The following SMPD4 variants were observed in gnomAD, a reference collection of about 807,000 sequenced individuals.
The protein encoded by SMPD4 is sphingomyelin phosphodiesterase 4.
Under a neutral mutation model 97.8 loss-of-function variants are expected in SMPD4, and 58 were observed. That is an observed-to-expected ratio of 0.59 (90% CI 0.48 to 0.74). The LOEUF is 0.74. SMPD4 is among the 30% of genes least tolerant of loss of function. The probability of loss-of-function intolerance (pLI) is 0.00; values close to 1 mark genes in which losing one functional copy is unlikely to be tolerated. For missense variants in SMPD4, 853 were observed against 1,080.5 expected (o/e 0.79, Z 2.95); for synonymous variants, 388 against 450.0 (o/e 0.86, Z 1.74).
intron 15 of SMPD4, 131 bp from the exon 16 acceptor site, chr2:130,154,613 C>T (rs1322015584): frequency 5.5e-6 from 7 of 1,282,218 alleles, no homozygotes; most frequent in Non-Finnish European, 7.7e-6. Context: ...TGAGGCCCTG[C>T]CTGGCAGCAT....
rs190145618 is a variant in SMPD4 at position 130,152,323 on chromosome 2, G to T, written c.*232C>A. The T allele has an allele frequency of 1.8e-6, 1 of 555,092 alleles. No homozygotes were observed. Among genetic ancestry groups the T allele is most frequent in the East Asian group, 3.0e-5 (1 of 33,578 alleles). 34.4% of individuals were successfully genotyped at this position (555,092 alleles called of 1,614,324 possible). A position where few individuals can be genotyped will look rare whatever the true frequency, so the allele number is the denominator to read the frequency against. ...GGGAAAGGCCGCCGCTGAGCTCTGC[G>T]CTGTCACAGAGCGTAGCTGTTGAGC... is the stretch of plus-strand genomic sequence containing the variant. On this transcript the variant is annotated 3_prime_UTR_variant, in exon 20 of 20. Transcript: ENST00000680298.
chr2:130,181,698 C>T (rs1689660284), upstream of SMPD4: 2 of 1,548,200 alleles, frequency 1.3e-6, no homozygotes, highest in Admixed American at 2.0e-5. Flanking sequence ...AAAGCGAAGG[C>T]CGGCCGGGCG....
chr2:130,181,214 T>G (rs1321541458), intron 1 of SMPD4: 6 of 1,191,886 alleles, frequency 5.0e-6, no homozygotes, highest in Non-Finnish European at 6.3e-6. Flanking sequence ...ACACCGCCTG[T>G]TGAGCCCAAG....
At chr2:130,161,142 G>A in intron 11 of SMPD4, 44 bp downstream of exon 11, 1 of 1,587,896 alleles carries the variant, frequency 6.3e-7, no homozygotes, top group Non-Finnish European at 8.6e-7. Flanking sequence ...GCCAGGCATG[G>A]ACATGCACTC....
Position 130,176,540 on chromosome 2 carries a change from C to G in SMPD4, c.39+14G>C, listed in dbSNP as rs987861705. ...ATGGCCACACTGACACTCATGCAAGCAGTTGATATTTACCAGTAGAAAGCT... is the reference window on the plus strand; with the variant it reads ...ATGGCCACACTGACACTCATGCAAGGAGTTGATATTTACCAGTAGAAAGCT... On this transcript the variant is annotated intron_variant, in intron 2 of 19. Transcript: ENST00000680298. 1.9e-6 allele frequency: 3 copies of G among 1,601,832 alleles called. No individual in the cohort carries two copies. Among genetic ancestry groups the G allele is most frequent in the African/African-American group, 2.7e-5 (2 of 74,320 alleles).
chr2:130,175,921 C>T lies in SMPD4; in HGVS notation c.39+633G>A, dbSNP rs562777039. 1.1e-4 allele frequency among the ~76,000 whole-genome samples: 17 copies of T among 152,284 alleles called. No individual in the cohort carries two copies. In the East Asian group the frequency reaches 3.3e-3, roughly 29 times the overall value. On this transcript the variant is annotated intron_variant, in intron 2 of 19. Coordinates refer to ENST00000680298, the MANE Select transcript of SMPD4 (RefSeq NM_017951.5). Reference sequence around the variant, plus strand: ...TTCCACATAAATGTTTACAAAAACACCTCCTAAGAACTAAAATTAGGAACT... The same window carrying T: ...TTCCACATAAATGTTTACAAAAACATCTCCTAAGAACTAAAATTAGGAACT...
intron 1 of SMPD4, 40 bp from the exon 2 acceptor site, chr2:130,176,677 C>T (rs1047138245): frequency 6.7e-7 from 1 of 1,484,060 alleles, no homozygotes; most frequent in South Asian, 1.2e-5. Context: ...ATCTGTAACA[C>T]AGCAGAATCT....
intron 15 of SMPD4, 37 bp downstream of exon 15, chr2:130,155,059 T>G (rs1476365744): frequency 6.2e-7 from 1 of 1,610,530 alleles, no homozygotes; most frequent in African/African-American, 1.3e-5. Context: ...TCTGGCTGGG[T>G]TGACGTATAC....
At chr2:130,175,466 G>C (rs186078737) in intron 2 of SMPD4, among the ~76,000 whole-genome samples, 1 of 151,222 alleles carries the variant, frequency 6.6e-6, no homozygotes, top group Non-Finnish European at 1.5e-5. Context: ...ACAACATCAC[G>C]GCTATGGCAG....
In SMPD4 at chr2:130,153,920, G is replaced by A. The variant is rs764146551; in HGVS notation, c.1675C>T (p.Gln559Ter). ...EARTLVLRLAQLITQAKHTAK... is the reference protein window; with the variant it reads ...EARTLVLRLA ...GTGTGTTTGGCCTGTGTGATGAGCT[G>A]AGCGAGGCGCAGGACCTGCAAGGGA... The change falls in exon 17 of 20, where the codon CAG becomes TAG. Residue 559 changes from glutamine (Q) to a stop codon, truncating the protein, a stop_gained. Transcript: ENST00000680298. LOFTEE classifies it high-confidence loss of function. 6.2e-7 allele frequency: 1 copy of A among 1,613,612 alleles called. No homozygotes were observed. The highest frequency in any genetic ancestry group is 8.5e-7 in the Non-Finnish European group (1 of 1,179,824).
Position 130,153,130 on chromosome 2 carries a change from C to T in SMPD4, c.2067G>A (p.Gly689=), listed in dbSNP as rs1262070629. The part of the protein sequence containing the change: ...GLRRFEIEYQ[G]DPELQPIRSY... ...TCCGGATGGGCTGCAGCTCCGGGTC[C>T]CCCTGGTACTCAATTTCAAACCTTC... is the stretch of plus-strand genomic sequence containing the variant. Residue 689 remains glycine, a synonymous_variant, in exon 19 of 20, where the codon GGG becomes GGA. Coordinates refer to ENST00000680298, the MANE Select transcript of SMPD4 (RefSeq NM_017951.5). 1 of 1,613,916 alleles carries T rather than the reference C, an allele frequency of 6.2e-7. No homozygotes were observed. Among genetic ancestry groups the T allele is most frequent in the East Asian group, 2.2e-5 (1 of 44,880 alleles).
chr2:130,170,698 A>G (rs1329002668), intron 8 of SMPD4, among the ~76,000 whole-genome samples: 1 of 151,748 alleles, frequency 6.6e-6, no homozygotes, highest in African/African-American at 2.4e-5. Flanking sequence ...CAGGAGGTCA[A>G]TGTTGCAGTG....
intron 8 of SMPD4, among the ~76,000 whole-genome samples, chr2:130,170,370 C>T (rs925436943): frequency 1.4e-5 from 2 of 146,674 alleles, no homozygotes; most frequent in Non-Finnish European, 3.0e-5. Flanking sequence ...ACCTGTAGTC[C>T]CAGCTACTTG....
rs1185704136 is a variant in SMPD4, at chr2:130,176,619, T to C, written c.-27A>G. The C allele has an allele frequency of 2.5e-6, 4 of 1,613,306 alleles. No homozygotes were observed. The highest frequency in any genetic ancestry group is 2.7e-5 in the African/African-American group (2 of 75,010). ...GCAGCCTCCAGTGGAGAGTTGAAAA[T>C]GGCCTTCTTAGCAAACCACTGTGGA... is the stretch of plus-strand genomic sequence containing the variant. On this transcript the variant is annotated 5_prime_UTR_variant, in exon 2 of 20. Transcript: ENST00000680298.
chr2:130,162,945 G>T (rs1687569633), intron 10 of SMPD4, among the ~76,000 whole-genome samples: 1 of 152,246 alleles, frequency 6.6e-6, no homozygotes, highest in Non-Finnish European at 1.5e-5. Flanking sequence ...GGGAAGAAGG[G>T]AACTGCACCT....
chr2:130,155,090 A>G lies in SMPD4; in HGVS notation c.1453+6T>C, dbSNP rs1302955788. On this transcript the variant is annotated splice_donor_region_variant and intron_variant, in intron 15 of 19. Coordinates refer to ENST00000680298, the MANE Select transcript of SMPD4 (RefSeq NM_017951.5). ...TATACCGGGCTGGCCCAGGCTGAGGACTTACCTTTCTGAATCATCTCAGCC... is the reference window on the plus strand; with the variant it reads ...TATACCGGGCTGGCCCAGGCTGAGGGCTTACCTTTCTGAATCATCTCAGCC... 2 of 1,614,080 alleles carry G rather than the reference A, an allele frequency of 1.2e-6. No individual in the cohort carries two copies. The highest frequency in any genetic ancestry group is 2.2e-5 in the South Asian group (2 of 91,084).
At chr2:130,181,344 A>G (rs1447318404) in intron 1 of SMPD4, 186 bp downstream of exon 1, 6 of 1,431,496 alleles carry the variant, frequency 4.2e-6, no homozygotes, top group Non-Finnish European at 5.5e-6. Flanking sequence ...GCACAAAGGC[A>G]TGGCCCAGAG....
intron 5 of SMPD4, 39 bp from the exon 6 acceptor site, chr2:130,172,934 G>A (rs758713807): frequency 3.2e-6 from 5 of 1,582,784 alleles, no homozygotes; most frequent in Non-Finnish European, 4.3e-6. Flanking sequence ...GCAGGTGCTG[G>A]TGCGTAGTGC....
rs1192254528 is a variant in SMPD4, at chr2:130,172,485, G to A, written c.523C>T (p.Leu175Phe). ...LITQKPLPVS[L>F]HVRTSDCAYF... ...GCACAGTCTGAAGTACGGACGTGGA[G>A]GGACACAGGAAGTGGCTGGAAAACC... The change falls in exon 8 of 20, where the codon CTC becomes TTC. Residue 175 changes from leucine to phenylalanine, a missense_variant. Transcript: ENST00000680298. 4 of 1,611,520 alleles carry A rather than the reference G, an allele frequency of 2.5e-6. No individual in the cohort carries two copies. The highest frequency in any genetic ancestry group is 1.1e-5 in the South Asian group (1 of 90,750).
Sources: allele counts gnomAD v4.1 joint callset (sites outside exome capture counted in the v4.1 genomes callset), GRCh38; gene constraint gnomAD v4.1.1; transcripts MANE v1.5; gene names NCBI Gene and HGNC (gene_info 2026-07-23, HGNC 2026-07-21).